Variants in TBC1D19 observed in about 807,000 individuals in gnomAD.
TBC1D19 encodes the protein TBC1 domain family member 19.
A neutral mutation model predicts 89.0 loss-of-function variants in TBC1D19; 60 were observed. The ratio of observed to expected loss-of-function variants is 0.67; its 90% CI spans 0.55 to 0.84. The LOEUF (loss-of-function observed/expected upper bound fraction) is 0.84. Among genes scored for constraint, TBC1D19 ranks in the 40% least tolerant of loss-of-function variants. TBC1D19 has a pLI of 0.00. For synonymous variants in TBC1D19, 189 were observed against 199.7 expected, an observed-to-expected ratio of 0.95 and a Z score of 0.45; for missense variants, 500 against 610.8, an observed-to-expected ratio of 0.82 and a Z score of 1.91.
chr4:26,684,535 G>A (rs1713642793), intron 12 of TBC1D19, among the ~76,000 whole-genome samples: 1 of 152,108 alleles, frequency 6.6e-6, no homozygotes, highest in African/African-American at 2.4e-5. Flanking sequence ...TCAACCTGGA[G>A]GTCCATGGCA....
intron 12 of TBC1D19, among the ~76,000 whole-genome samples, chr4:26,686,963 A>G (rs750927318): frequency 9.9e-5 from 15 of 152,082 alleles, no homozygotes; most frequent in Non-Finnish European, 1.9e-4. Flanking sequence ...TGTTTTTACT[A>G]TCTTGCCAGT....
intron 11 of TBC1D19, among the ~76,000 whole-genome samples, chr4:26,676,184 T>G (rs2109119577): frequency 6.6e-6 from 1 of 152,316 alleles, no homozygotes; most frequent in Non-Finnish European, 1.5e-5. Flanking sequence ...TTACATTGGC[T>G]CTTAACAATG....
At chr4:26,655,259 A>G (rs1265604203) in intron 7 of TBC1D19, among the ~76,000 whole-genome samples, 4 of 152,282 alleles carry the variant, frequency 2.6e-5, no homozygotes, top group Non-Finnish European at 4.4e-5. Flanking sequence ...GTACCCGGCC[A>G]TGTGAGGTGT....
the TBC1D19 span, among the ~76,000 whole-genome samples, chr4:26,848,342 C>T: frequency 0.43 from 65,003 of 152,054 alleles, 14,548 homozygotes; most frequent in Middle Eastern, 0.65. Flanking sequence ...CAACTACAGA[C>T]TATGGGTTTT....
In TBC1D19 at chr4:26,592,501, G is replaced by T. The variant is rs535171056; in HGVS notation, c.99+8209G>T. On this transcript the variant is annotated intron_variant, in intron 1 of 20. Coordinates refer to ENST00000264866, the MANE Select transcript of TBC1D19 (RefSeq NM_018317.4). ...AGTTCTGGCCAGGGCAATCAGGCAG[G>T]TTAAAGAAATAAAGGGTATTCAATT... Among the ~76,000 whole-genome samples the T allele has an allele frequency of 1.6e-4, 24 of 151,452 alleles. No individual in the cohort carries two copies. The South Asian group carries it at 4.8e-3, about 30-fold the overall frequency.
intron 13 of TBC1D19, among the ~76,000 whole-genome samples, chr4:26,699,133 C>A (rs1291665920): frequency 6.6e-6 from 1 of 152,142 alleles, no homozygotes; most frequent in South Asian, 2.1e-4. Flanking sequence ...GGGCTAACAT[C>A]CAGAATCTAC....
At chr4:26,666,235 T>C in intron 8 of TBC1D19, 98 bp from the exon 9 acceptor site, 1 of 937,732 alleles carries the variant, frequency 1.1e-6, no homozygotes, top group Non-Finnish European at 1.7e-6. Flanking sequence ...TTTCACACTG[T>C]GATTTTTATT....
chr4:26,764,155 T>A, the TBC1D19 span, among the ~76,000 whole-genome samples: 1 of 152,206 alleles, frequency 6.6e-6, no homozygotes, highest in Non-Finnish European at 1.5e-5. Context: ...TTAACAAGTA[T>A]TTTAAGATAT....
At chr4:26,749,851 T>A (rs1578017413) in intron 19 of TBC1D19, among the ~76,000 whole-genome samples, 2 of 152,336 alleles carry the variant, frequency 1.3e-5, no homozygotes, top group Admixed American at 1.3e-4. Flanking sequence ...CACTGATTAA[T>A]GTTTTTAGCA....
At chr4:26,842,583 C>CCTTTCTTT in the TBC1D19 span, among the ~76,000 whole-genome samples, 3,181 of 70,380 alleles carry the variant, frequency 0.045, 107 homozygotes, top group East Asian at 0.06. Context: ...TTCCTCCCTC[C>CCTTTCTTT]CTTTCTTTCT....
chr4:26,771,016 G>A, the TBC1D19 span, among the ~76,000 whole-genome samples: 8,434 of 152,160 alleles, frequency 0.055, 334 homozygotes, highest in Middle Eastern at 0.12. Context: ...TAGAAAAGGG[G>A]AAGATCTCAC....
intron 13 of TBC1D19, among the ~76,000 whole-genome samples, chr4:26,699,416 G>A (rs1715114874): frequency 6.6e-6 from 1 of 152,172 alleles, no homozygotes; most frequent in Non-Finnish European, 1.5e-5. Flanking sequence ...CTGTTGGTGG[G>A]ACTGTAAACT....
At chr4:26,617,634 G>GGA (rs1394302004) in intron 3 of TBC1D19, among the ~76,000 whole-genome samples, 2 of 152,150 alleles carry the variant, frequency 1.3e-5, no homozygotes, top group Admixed American at 1.3e-4. Flanking sequence ...GTTGAGTTGA[G>GGA]GAGACAGTGC....
intron 4 of TBC1D19, among the ~76,000 whole-genome samples, chr4:26,635,269 T>G (rs1276355827): frequency 6.6e-6 from 1 of 152,148 alleles, no homozygotes. Flanking sequence ...GAAATGATAC[T>G]TAATCTGACA....
At chr4:26,795,096 A>T in the TBC1D19 span, among the ~76,000 whole-genome samples, 1 of 151,914 alleles carries the variant, frequency 6.6e-6, no homozygotes, top group Non-Finnish European at 1.5e-5. Flanking sequence ...AAAATGCCAA[A>T]CTCCATATGC....
the TBC1D19 span, among the ~76,000 whole-genome samples, chr4:26,856,214 G>T: frequency 6.6e-6 from 1 of 152,108 alleles, no homozygotes; most frequent in Non-Finnish European, 1.5e-5. Flanking sequence ...CACATATGTG[G>T]GGTCATACAA....
intron 4 of TBC1D19, among the ~76,000 whole-genome samples, chr4:26,621,070 A>G (rs1372053148): frequency 6.6e-6 from 1 of 152,214 alleles, no homozygotes; most frequent in Non-Finnish European, 1.5e-5. Context: ...AGTGTTATTG[A>G]AAGTGTATTT....
chr4:26,696,938 A>G (rs952023553), intron 13 of TBC1D19, among the ~76,000 whole-genome samples: 14 of 152,226 alleles, frequency 9.2e-5, no homozygotes, highest in Admixed American at 2.0e-4. Flanking sequence ...CTAACATCAC[A>G]ATTAAAAGAA....
At chr4:26,722,260 T>C (rs1366491709) in intron 15 of TBC1D19, among the ~76,000 whole-genome samples, 1 of 152,164 alleles carries the variant, frequency 6.6e-6, no homozygotes, top group Non-Finnish European at 1.5e-5. Context: ...CTTTTTATAT[T>C]TTATCTAAGA....
Sources: allele counts gnomAD v4.1 joint callset (sites outside exome capture counted in the v4.1 genomes callset), GRCh38; gene constraint gnomAD v4.1.1; transcripts MANE v1.5; gene names NCBI Gene and HGNC (gene_info 2026-07-23, HGNC 2026-07-21).